Variants in PRNP observed in about 807,000 individuals in gnomAD.
PRNP encodes prion protein (Kanno blood group).
Under a neutral mutation model 21.3 loss-of-function variants are expected in PRNP, and 15 were observed. The ratio of observed to expected loss-of-function variants is 0.71; its 90% CI spans 0.47 to 1.09. The LOEUF is 1.09. Among genes scored for constraint, PRNP ranks in the 50% least tolerant of loss-of-function variants. The pLI, the probability that PRNP is intolerant of heterozygous loss-of-function variation, is 0.00. For missense variants in PRNP, 285 were observed against 340.9 expected, an observed-to-expected ratio of 0.84 and a Z score of 1.29; for synonymous variants, 121 against 123.1, an observed-to-expected ratio of 0.98 and a Z score of 0.11.
At chr20:4,696,561 T>C (rs6116474) in intron 1 of PRNP, among the ~76,000 whole-genome samples, 34,527 of 152,126 alleles carry the variant, frequency 0.23, 4,122 homozygotes, top group Admixed American at 0.29. Flanking sequence ...TAATTGCAAA[T>C]AGTGTCAGCT....
In PRNP at chr20:4,699,820, G is replaced by T. The variant is rs1398776714; in HGVS notation, c.600G>T (p.Glu200Asp). ...TTTTKGENFT[E>D]TDVKMMERVV... ...CCACCAAGGGGGAGAACTTCACCGAGACCGACGTTAAGATGATGGAGCGCG... is the reference window on the plus strand; with the variant it reads ...CCACCAAGGGGGAGAACTTCACCGATACCGACGTTAAGATGATGGAGCGCG... The change falls in exon 2 of 2, where the codon GAG becomes GAT. Residue 200 changes from glutamate (E) to aspartate (D), a missense_variant. By Grantham distance (45) the Glu-to-Asp change is conservative. Transcript: ENST00000379440. The surrounding 1 kb of genome is among the most constrained non-coding windows in gnomAD (Gnocchi z 5.8). The T allele has an allele frequency of 1.9e-6, 3 of 1,613,968 alleles. No individual in the cohort carries two copies. The East Asian group carries it at 6.7e-5, about 36-fold the overall frequency.
At chr20:4,698,947 C>T (rs1922345251) in intron 1 of PRNP, among the ~76,000 whole-genome samples, 1 of 152,180 alleles carries the variant, frequency 6.6e-6, no homozygotes, top group African/African-American at 2.4e-5. Context: ...ATAATTCACT[C>T]ATAAAATGTT....
Position 4,699,320 on chromosome 20 carries a change from G to A in PRNP, c.100G>A (p.Gly34Arg). The change falls in exon 2 of 2, where the codon GGG becomes AGG. Residue 34 changes from glycine to arginine, a missense_variant. Coordinates refer to ENST00000379440, the MANE Select transcript of PRNP (RefSeq NM_000311.5). The surrounding 1 kb of genome is among the most constrained non-coding windows in gnomAD (Gnocchi z 5.8). ...KRPKPGGWNTGGSRYPGQGSP... is the reference protein window; with the variant it reads ...KRPKPGGWNTRGSRYPGQGSP... ...CCCGAAGCCTGGAGGATGGAACACT[G>A]GGGGCAGCCGATACCCGGGGCAGGG... The A allele has an allele frequency of 6.2e-7, 1 of 1,614,070 alleles. No homozygotes were observed. Among genetic ancestry groups the A allele is most frequent in the Non-Finnish European group, 8.5e-7 (1 of 1,180,030 alleles).
At chr20:4,687,304 G>C (rs1894284) in intron 1 of PRNP, among the ~76,000 whole-genome samples, 40,058 of 152,120 alleles carry the variant, frequency 0.26, 5,524 homozygotes, top group Admixed American at 0.36. Context: ...TGTTCTCCAG[G>C]GGCGGGGAGA....
chr20:4,697,568 G>T lies in PRNP; in HGVS notation c.-10-1643G>T, dbSNP rs1243363739. 1.3e-5 allele frequency among the ~76,000 whole-genome samples: 2 copies of T among 152,206 alleles called. No homozygotes were observed. Among genetic ancestry groups the T allele is most frequent in the Admixed American group, 6.5e-5 (1 of 15,284 alleles). ...CTTCTAGGACCAGGGAACAGCAAGTGCAACAGCCCTGAGACAGGATGGGCT... is the reference window on the plus strand; with the variant it reads ...CTTCTAGGACCAGGGAACAGCAAGTTCAACAGCCCTGAGACAGGATGGGCT... On this transcript the variant is annotated intron_variant, in intron 1 of 1. Transcript: ENST00000379440. The surrounding 1 kb of genome is among the most constrained non-coding windows in gnomAD (Gnocchi z 4.6).
At position 4,699,461 on chromosome 20, in the gene PRNP, T is replaced by C; in HGVS notation, c.241T>C (p.Trp81Arg). 7 of 1,570,482 alleles carry C rather than the reference T, an allele frequency of 4.5e-6. No homozygotes were observed. Among genetic ancestry groups the C allele is most frequent in the Non-Finnish European group, 6.0e-6 (7 of 1,168,794 alleles). The change falls in exon 2 of 2, where the codon TGG becomes CGG. Residue 81 changes from tryptophan (W) to arginine (R), a missense_variant. Physicochemically the swap from Trp to Arg is moderately radical, Grantham distance 101 (BLOSUM62 -3). Coordinates refer to ENST00000379440, the MANE Select transcript of PRNP (RefSeq NM_000311.5). This position sits in a 1 kb window ranked among gnomAD's most constrained non-coding sequence, Gnocchi z 5.8. ...GGWGQPHGGG[W>R]GQPHGGGWGQ... ...CTGGGGGCAGCCCCATGGTGGTGGC[T>C]GGGGACAGCCTCATGGTGGTGGCTG...
At chr20:4,696,349 C>A (rs1279826101) in intron 1 of PRNP, among the ~76,000 whole-genome samples, 4 of 152,148 alleles carry the variant, frequency 2.6e-5, no homozygotes, top group Non-Finnish European at 2.9e-5. Context: ...GAAGTCTTTT[C>A]TTAGTTAAGT....
intron 1 of PRNP, among the ~76,000 whole-genome samples, chr20:4,693,260 C>T (rs921658258): frequency 5.3e-5 from 8 of 152,192 alleles, no homozygotes; most frequent in African/African-American, 1.2e-4. Context: ...TCCCAGGCCA[C>T]GCCACCATCT....
intron 1 of PRNP, among the ~76,000 whole-genome samples, chr20:4,694,569 GTGTA>G (rs1423843088): frequency 6.6e-6 from 1 of 152,026 alleles, no homozygotes; most frequent in Non-Finnish European, 1.5e-5. Context: ...CTAGTGATGT[GTGTA>G]TGTTACATTT....
intron 1 of PRNP, among the ~76,000 whole-genome samples, chr20:4,692,640 T>C (rs749293534): frequency 6.6e-5 from 10 of 152,248 alleles, no homozygotes; most frequent in Non-Finnish European, 1.3e-4. Context: ...AATTTAGGAA[T>C]GATATTGATT....
chr20:4,697,515 T>TGAAC lies in PRNP; in HGVS notation c.-10-1696_-10-1695insGAAC, dbSNP rs1299828751. ...GGGAACAGCCCCACTGAGCAAACTT[T>TGAAC]AGCCACATGAGTAGCTGGAAGAAAA... On this transcript the variant is annotated intron_variant, in intron 1 of 1. Coordinates refer to ENST00000379440, the MANE Select transcript of PRNP (RefSeq NM_000311.5). The surrounding 1 kb of genome is among the most constrained non-coding windows in gnomAD (Gnocchi z 4.6). Among the ~76,000 whole-genome samples the TGAAC allele has an allele frequency of 5.3e-5, 8 of 152,230 alleles. No individual in the cohort carries two copies. The highest frequency in any genetic ancestry group is 4.4e-5 in the Non-Finnish European group (3 of 68,040).
chr20:4,687,133 G>C (rs1286445149), intron 1 of PRNP, among the ~76,000 whole-genome samples: 3 of 152,196 alleles, frequency 2.0e-5, no homozygotes, highest in Admixed American at 1.3e-4. Context: ...TTCCTCCCGG[G>C]AGGCGGCCCA....
Position 4,700,292 on chromosome 20 carries a change from A to G in PRNP, c.*310A>G. The G allele has an allele frequency of 1.4e-6, 1 of 689,672 alleles. No homozygotes were observed. The highest frequency in any genetic ancestry group is 2.4e-6 in the Non-Finnish European group (1 of 413,838). The allele number at this position is 689,672 out of a possible 1,614,324, so 42.7% of individuals were successfully genotyped here. ...CTTAGTGCAACAGGTTGAGGCTAAA[A>G]CAAATCTCAGAACAGTCTGAAATAC... On this transcript the variant is annotated 3_prime_UTR_variant, in exon 2 of 2. Coordinates refer to ENST00000379440, the MANE Select transcript of PRNP (RefSeq NM_000311.5). The surrounding 1 kb of genome is among the most constrained non-coding windows in gnomAD (Gnocchi z 4.1).
chr20:4,687,766 G>A (rs183092003), intron 1 of PRNP, among the ~76,000 whole-genome samples: 5 of 152,138 alleles, frequency 3.3e-5, no homozygotes, highest in Non-Finnish European at 5.9e-5. Context: ...AGAGCATCAC[G>A]GTTTAATTAG....
Position 4,697,993 on chromosome 20 carries a change from G to T in PRNP, c.-10-1218G>T, listed in dbSNP as rs886896223. 2.6e-5 allele frequency among the ~76,000 whole-genome samples: 4 copies of T among 152,118 alleles called. No individual in the cohort carries two copies. Among genetic ancestry groups the T allele is most frequent in the Non-Finnish European group, 5.9e-5 (4 of 68,032 alleles). On this transcript the variant is annotated intron_variant, in intron 1 of 1. Coordinates refer to ENST00000379440, the MANE Select transcript of PRNP (RefSeq NM_000311.5). The surrounding 1 kb of genome is among the most constrained non-coding windows in gnomAD (Gnocchi z 4.6). ...TCACCCATTGCAGCGAATGGAGAAGGTGCTGACATAAAAGCCCTTTAGACT... is the reference window on the plus strand; with the variant it reads ...TCACCCATTGCAGCGAATGGAGAAGTTGCTGACATAAAAGCCCTTTAGACT...
chr20:4,700,392 A>G lies in PRNP; in HGVS notation c.*410A>G, dbSNP rs1568536267. On this transcript the variant is annotated 3_prime_UTR_variant, in exon 2 of 2. Transcript: ENST00000379440. The surrounding 1 kb of genome is among the most constrained non-coding windows in gnomAD (Gnocchi z 4.1). ...AATGCCCTATCTTAGTAGAGATTTC[A>G]TAGCTATTTAGAGATATTTTCCATT... 8 of 339,938 alleles carry G rather than the reference A, an allele frequency of 2.4e-5. No homozygotes were observed. Among genetic ancestry groups the G allele is most frequent in the Non-Finnish European group, 4.8e-5 (8 of 166,594 alleles). The allele number at this position is 339,938 out of a possible 1,614,324, so 21.1% of individuals were successfully genotyped here. A position where few individuals can be genotyped will look rare whatever the true frequency, so the allele number is the denominator to read the frequency against.
intron 1 of PRNP, among the ~76,000 whole-genome samples, chr20:4,692,728 T>C (rs1168444811): frequency 6.6e-6 from 1 of 152,344 alleles, no homozygotes; most frequent in East Asian, 1.9e-4. Context: ...TTTCAACCAT[T>C]CTTGTATTCC....
chr20:4,686,721 T>A lies in PRNP; in HGVS notation c.-11+209T>A, dbSNP rs1334484845. On this transcript the variant is annotated intron_variant, in intron 1 of 1. Coordinates refer to ENST00000379440, the MANE Select transcript of PRNP (RefSeq NM_000311.5). The surrounding 1 kb of genome is among the most constrained non-coding windows in gnomAD (Gnocchi z 6.7). ...TGGTCTCCGCTCGGGTGAGGCGGCT[T>A]GGCTTCGCTTTTCAGGTTAGGAAAG... The A allele has an allele frequency of 6.6e-6, 1 of 152,126 alleles. No homozygotes were observed. Among genetic ancestry groups the A allele is most frequent in the East Asian group, 1.9e-4 (1 of 5,160 alleles). The allele number at this position is 152,126 out of a possible 1,614,324, so 9.4% of individuals were successfully genotyped here.
At chr20:4,696,235 T>C (rs954204126) in intron 1 of PRNP, among the ~76,000 whole-genome samples, 1 of 152,224 alleles carries the variant, frequency 6.6e-6, no homozygotes, top group African/African-American at 2.4e-5. Flanking sequence ...TTTAGGATAA[T>C]GGACATCTTT....
Sources: allele counts gnomAD v4.1 joint callset (sites outside exome capture counted in the v4.1 genomes callset), GRCh38; gene constraint gnomAD v4.1.1; non-coding constraint Gnocchi (gnomAD v3.1); transcripts MANE v1.5; gene names NCBI Gene and HGNC (gene_info 2026-07-23, HGNC 2026-07-21).